STUM: variants seen among roughly 807,000 people sequenced by gnomAD.
STUM encodes the protein protein stum homolog.
STUM carries 8 observed loss-of-function variants against 15.3 expected under a neutral mutation model. That is an observed-to-expected ratio of 0.52 (90% CI 0.31 to 0.94). STUM has a LOEUF of 0.94. Among genes scored for constraint, STUM ranks in the 40% least tolerant of loss-of-function variants. The probability of loss-of-function intolerance (pLI) is 0.05; values close to 1 mark genes in which losing one functional copy is unlikely to be tolerated. For missense variants in STUM, 142 were observed against 204.9 expected (o/e 0.69, Z 1.87); for synonymous variants, 78 against 88.7 (o/e 0.88, Z 0.68).
In STUM at chr1:226,595,699, C is replaced by T. The variant is rs117103059; in HGVS notation, c.203-1103C>T. Among the ~76,000 whole-genome samples the T allele has an allele frequency of 3.9e-5, 6 of 152,224 alleles. No individual in the cohort carries two copies. In the East Asian group the frequency reaches 7.7e-4, roughly 20 times the overall value. ...AAGGGTCCTTACTACAGGGAGGCAG[C>T]GAGAAGATATAAAGACAGAAGCAGA... On this transcript the variant is annotated intron_variant, in intron 1 of 3. Transcript: ENST00000366788.
intron 1 of STUM, among the ~76,000 whole-genome samples, chr1:226,553,478 A>G (rs1667401509): frequency 6.6e-6 from 1 of 152,252 alleles, no homozygotes; most frequent in South Asian, 2.1e-4. Flanking sequence ...TCAAAAAGAA[A>G]AAAAGAGTCC....
At chr1:226,571,269 G>A (rs1667706795) in intron 1 of STUM, among the ~76,000 whole-genome samples, 1 of 148,500 alleles carries the variant, frequency 6.7e-6, no homozygotes, top group Non-Finnish European at 1.5e-5. Flanking sequence ...AAAAACTATA[G>A]AAAAAAATTT....
chr1:226,577,499 T>TCACACACACA (rs60225649), intron 1 of STUM, among the ~76,000 whole-genome samples: 99 of 150,940 alleles, frequency 6.6e-4, no homozygotes, highest in African/African-American at 2.3e-3. Flanking sequence ...AAACAGTTTC[T>TCACACACACA]CACACACACA....
chr1:226,577,716 G>A (rs1571804058), intron 1 of STUM, among the ~76,000 whole-genome samples: 1 of 152,212 alleles, frequency 6.6e-6, no homozygotes, highest in African/African-American at 2.4e-5. Context: ...CGCTCTTACT[G>A]TGACAGCATG....
intron 1 of STUM, among the ~76,000 whole-genome samples, chr1:226,563,118 T>C (rs1667568496): frequency 6.6e-6 from 1 of 152,246 alleles, no homozygotes; most frequent in Non-Finnish European, 1.5e-5. Flanking sequence ...GCATTATTTT[T>C]GCAACTTTTC....
At chr1:226,593,950 G>T (rs770207116) in intron 1 of STUM, among the ~76,000 whole-genome samples, 5 of 152,192 alleles carry the variant, frequency 3.3e-5, no homozygotes, top group Non-Finnish European at 5.9e-5. Flanking sequence ...GGTGGTAGGA[G>T]GAGACACTTG....
At chr1:226,588,777 C>A (rs1668040394) in intron 1 of STUM, among the ~76,000 whole-genome samples, 1 of 152,200 alleles carries the variant, frequency 6.6e-6, no homozygotes, top group Non-Finnish European at 1.5e-5. Flanking sequence ...ACATAATCTC[C>A]CATTTAGCTT....
At chr1:226,594,559 C>T (rs569548519) in intron 1 of STUM, among the ~76,000 whole-genome samples, 1 of 152,316 alleles carries the variant, frequency 6.6e-6, no homozygotes, top group East Asian at 1.9e-4. Context: ...GTTCAATGCT[C>T]ACCTGTCATT....
In STUM at chr1:226,605,484, C is replaced by T. The variant is rs1421729089; in HGVS notation, c.*3444C>T. 1 of 152,236 alleles carries T rather than the reference C, an allele frequency of 6.6e-6. No homozygotes were observed. Among genetic ancestry groups the T allele is most frequent in the Admixed American group, 6.5e-5 (1 of 15,288 alleles). 9.4% of individuals were successfully genotyped at this position (152,236 alleles called of 1,614,324 possible). A position where few individuals can be genotyped will look rare whatever the true frequency, so the allele number is the denominator to read the frequency against. ...CCCAGAGCAGGTCCTGTGGAGGGGT[C>T]CTCACCCCTCAGGAGTAATAGGGTG... is the stretch of plus-strand genomic sequence containing the variant. On this transcript the variant is annotated 3_prime_UTR_variant, in exon 4 of 4. Transcript: ENST00000366788. The surrounding 1 kb of genome is among the most constrained non-coding windows in gnomAD (Gnocchi z 4.0).
chr1:226,582,861 C>T (rs1483291504), intron 1 of STUM, among the ~76,000 whole-genome samples: 7 of 152,314 alleles, frequency 4.6e-5, no homozygotes, highest in Admixed American at 6.5e-5. Context: ...AAAACAGGCA[C>T]GGGCTGTCTC....
At chr1:226,557,246 C>T (rs1667461137) in intron 1 of STUM, among the ~76,000 whole-genome samples, 1 of 152,218 alleles carries the variant, frequency 6.6e-6, no homozygotes, top group African/African-American at 2.4e-5. Flanking sequence ...CTGTGCCTGA[C>T]TTATTTCACT....
Position 226,605,993 on chromosome 1 carries a change from G to C in STUM, c.*3953G>C, listed in dbSNP as rs1161307589. 6.6e-6 allele frequency: 1 copy of C among 152,372 alleles called. No individual in the cohort carries two copies. The highest frequency in any genetic ancestry group is 1.9e-4 in the East Asian group (1 of 5,186). The allele number at this position is 152,372 out of a possible 1,614,324, so 9.4% of individuals were successfully genotyped here. ...CTCCGCCTCATGCAGGATGCCCAGG[G>C]CTCGGAAGCAGTAAGGAGGATGCTA... On this transcript the variant is annotated 3_prime_UTR_variant, in exon 4 of 4. Transcript: ENST00000366788. This position sits in a 1 kb window ranked among gnomAD's most constrained non-coding sequence, Gnocchi z 4.0.
intron 1 of STUM, among the ~76,000 whole-genome samples, chr1:226,558,924 G>A (rs1667493697): frequency 6.6e-6 from 1 of 152,172 alleles, no homozygotes; most frequent in Non-Finnish European, 1.5e-5. Flanking sequence ...TGAGAACTGG[G>A]TGCTGGGTTT....
rs1667636325 is a variant in STUM at position 226,567,092 on chromosome 1, A to G, written c.202+17986A>G. On this transcript the variant is annotated intron_variant, in intron 1 of 3. Transcript: ENST00000366788. This position sits in a 1 kb window ranked among gnomAD's most constrained non-coding sequence, Gnocchi z 4.5. ...GACACAAAGGGCTTCTTGGAAGTAG[A>G]TCTGGTTGGGGGAGAAGGAGACCAG... Among the ~76,000 whole-genome samples the G allele has an allele frequency of 6.6e-6, 1 of 152,184 alleles. No individual in the cohort carries two copies. The highest frequency in any genetic ancestry group is 2.1e-4 in the South Asian group (1 of 4,830).
rs1023645375 is a variant in STUM, at chr1:226,574,712, G to T, written c.203-22090G>T. On this transcript the variant is annotated intron_variant, in intron 1 of 3. Transcript: ENST00000366788. The stretch of plus-strand genomic sequence containing the variant: ...GTAGGCCAAAGTGACGGGTGACCAG[G>T]CCTGTGAGAGATGTGGAGACCTCAC... Among the ~76,000 whole-genome samples, 4 of 152,322 alleles carry T rather than the reference G, an allele frequency of 2.6e-5. No individual in the cohort carries two copies. In the East Asian group the frequency reaches 7.7e-4, roughly 29 times the overall value.
chr1:226,575,179 C>T (rs1258830579), intron 1 of STUM, among the ~76,000 whole-genome samples: 2 of 152,312 alleles, frequency 1.3e-5, no homozygotes, highest in East Asian at 3.9e-4. Flanking sequence ...CAGGAGCAGT[C>T]GCCTGACCAC....
chr1:226,596,042 G>A (rs1031968591), intron 1 of STUM, among the ~76,000 whole-genome samples: 1 of 152,202 alleles, frequency 6.6e-6, no homozygotes, highest in African/African-American at 2.4e-5. Flanking sequence ...TGTAGGAAAG[G>A]GGCCTAACTC....
At chr1:226,561,526 T>G (rs663060) in intron 1 of STUM, among the ~76,000 whole-genome samples, 6 of 151,546 alleles carry the variant, frequency 4.0e-5, no homozygotes, top group Non-Finnish European at 5.9e-5. Flanking sequence ...CAGAGGAGAG[T>G]TGTTGCTAGG....
intron 1 of STUM, among the ~76,000 whole-genome samples, chr1:226,559,004 C>A (rs1667494600): frequency 6.6e-6 from 1 of 152,152 alleles, no homozygotes; most frequent in Non-Finnish European, 1.5e-5. Flanking sequence ...GGGAAGGAGA[C>A]CATATTTTCC....
Sources: gnomAD v4.1 joint callset for allele counts (sites outside exome capture counted in the v4.1 genomes callset) on GRCh38, gnomAD v4.1.1 for gene constraint, Gnocchi (gnomAD v3.1) non-coding constraint, MANE v1.5 for transcripts, NCBI Gene and HGNC (gene_info 2026-07-23, HGNC 2026-07-21) for gene names.